The following ADAMTS17 variants were observed in gnomAD, a reference collection of about 807,000 sequenced individuals.
ADAMTS17 encodes the protein A disintegrin and metalloproteinase with thrombospondin motifs 17.
ADAMTS17 carries 113 observed loss-of-function variants against 141.5 expected under a neutral mutation model. That is an observed-to-expected ratio of 0.80 (90% CI 0.69 to 0.93). The LOEUF is 0.93. Among genes scored for constraint, ADAMTS17 ranks in the 40% least tolerant of loss-of-function variants. ADAMTS17 has a pLI of 0.00. For synonymous variants in ADAMTS17, 768 were observed against 630.6 expected, an observed-to-expected ratio of 1.22 and a Z score of -3.27; for missense variants, 1,659 against 1,517.9, an observed-to-expected ratio of 1.09 and a Z score of -1.54.
At chr15:100,284,014 A>T (rs2044368620) in intron 3 of ADAMTS17, among the ~76,000 whole-genome samples, 1 of 152,192 alleles carries the variant, frequency 6.6e-6, no homozygotes. Context: ...GCGAGGCAGG[A>T]TAATTGCTTG....
At position 100,211,531 on chromosome 15, in the gene ADAMTS17, G is replaced by A. The variant is rs562187585; in HGVS notation, c.1076-12108C>T. 1.6e-4 allele frequency among the ~76,000 whole-genome samples: 24 copies of A among 150,234 alleles called. 1 individual carries two copies. Among genetic ancestry groups the A allele is most frequent in the Middle Eastern group, 6.8e-3 (2 of 294 alleles). On this transcript the variant is annotated intron_variant, in intron 7 of 21. Transcript: ENST00000268070. ...GGAAACAACTTCGAATCTGTCAGAG[G>A]AAAATGTAGTGGAGGTCTTTATGTT...
At chr15:100,014,298 A>C (rs894119477) in intron 18 of ADAMTS17, among the ~76,000 whole-genome samples, 1 of 152,102 alleles carries the variant, frequency 6.6e-6, no homozygotes, top group African/African-American at 2.4e-5. Context: ...ACTCTTGCTA[A>C]AGGTCTACCA....
chr15:100,059,255 C>A (rs890610030), intron 15 of ADAMTS17, among the ~76,000 whole-genome samples: 1 of 152,246 alleles, frequency 6.6e-6, no homozygotes, highest in Non-Finnish European at 1.5e-5. Flanking sequence ...AAAGAATACA[C>A]TTGGCATGCC....
In ADAMTS17 at chr15:100,102,361, C is replaced by T. The variant is rs571496062; in HGVS notation, c.2017-5885G>A. On this transcript the variant is annotated intron_variant, in intron 14 of 21. Transcript: ENST00000268070. ...CCGAAGGGGATCTACATTTGAGGGC[C>T]AACCGAAGGGGATCTACATTTGAGG... 7.8e-5 allele frequency among the ~76,000 whole-genome samples: 10 copies of T among 128,808 alleles called. No individual in the cohort carries two copies. The East Asian group carries it at 1.5e-3, about 20-fold the overall frequency. 84.5% of individuals were successfully genotyped at this position (128,808 alleles called of 152,430 possible).
chr15:100,222,577 C>T (rs1406722396), intron 7 of ADAMTS17, among the ~76,000 whole-genome samples: 1 of 152,192 alleles, frequency 6.6e-6, no homozygotes, highest in African/African-American at 2.4e-5. Flanking sequence ...GGGCCAGGTC[C>T]TCTGGCCCAG....
At chr15:99,985,133 C>T (rs183503990) in intron 20 of ADAMTS17, among the ~76,000 whole-genome samples, 9 of 152,398 alleles carry the variant, frequency 5.9e-5, no homozygotes, top group East Asian at 5.8e-4. Context: ...GATGGCCCAG[C>T]GGCGGGCTCT....
chr15:100,225,442 T>G (rs1289915372), intron 7 of ADAMTS17, among the ~76,000 whole-genome samples: 1 of 152,232 alleles, frequency 6.6e-6, no homozygotes, highest in Non-Finnish European at 1.5e-5. Context: ...CCTTAAGCAG[T>G]CACGGCCTCT....
rs192095488 is a variant in ADAMTS17 at position 99,992,135 on chromosome 15, C to A, written c.2949+913G>T. On this transcript the variant is annotated intron_variant, in intron 20 of 21. Coordinates refer to ENST00000268070, the MANE Select transcript of ADAMTS17 (RefSeq NM_139057.4). ...AGCAAACCACCATGACACATGTATA[C>A]CTGTGTAACAAACCTGCACTTTCTG... 2.7e-4 allele frequency among the ~76,000 whole-genome samples: 41 copies of A among 152,140 alleles called. No individual in the cohort carries two copies. The East Asian group carries it at 6.9e-3, about 26-fold the overall frequency.
intron 8 of ADAMTS17, among the ~76,000 whole-genome samples, chr15:100,194,953 C>T (rs1045267302): frequency 6.6e-6 from 1 of 152,180 alleles, no homozygotes; most frequent in Non-Finnish European, 1.5e-5. Context: ...AAAAGGAGAC[C>T]CCGGCTAAAA....
chr15:100,152,153 T>C (rs1214664734), intron 10 of ADAMTS17, among the ~76,000 whole-genome samples: 2 of 152,222 alleles, frequency 1.3e-5, no homozygotes, highest in Non-Finnish European at 2.9e-5. Flanking sequence ...TATTACTTGT[T>C]AAATTTTCCC....
rs1290621036 is a variant in ADAMTS17, at chr15:99,972,955, T to C, written c.*1447A>G. On this transcript the variant is annotated 3_prime_UTR_variant, in exon 22 of 22. Transcript: ENST00000268070. ...ATGGAAGTCCAAGTGAGACCTTCCG[T>C]CTGAAATCAGGGAGGAGGTGTTATT... The C allele has an allele frequency of 6.6e-6, 1 of 152,162 alleles. No homozygotes were observed. The highest frequency in any genetic ancestry group is 6.5e-5 in the Admixed American group (1 of 15,284). 9.4% of individuals were successfully genotyped at this position (152,162 alleles called of 1,614,324 possible).
intron 15 of ADAMTS17, among the ~76,000 whole-genome samples, chr15:100,054,405 T>C (rs922670): frequency 0.32 from 48,810 of 152,076 alleles, 9,144 homozygotes; most frequent in African/African-American, 0.51. Flanking sequence ...ACTAAACTTA[T>C]CCAGCAGATG....
intron 2 of ADAMTS17, among the ~76,000 whole-genome samples, chr15:100,332,871 C>T (rs868428815): frequency 1.2e-4 from 18 of 152,186 alleles, no homozygotes; most frequent in African/African-American, 4.1e-4. Context: ...GCCCCGACCT[C>T]GAACAGGGAT....
chr15:100,044,809 T>A (rs917831062), intron 18 of ADAMTS17, among the ~76,000 whole-genome samples: 10 of 73,776 alleles, frequency 1.4e-4, no homozygotes, highest in African/African-American at 6.3e-4. Context: ...TAATTTGGAT[T>A]TTTTTTTTTT....
At chr15:100,090,006 A>C (rs1424432859) in intron 15 of ADAMTS17, among the ~76,000 whole-genome samples, 3 of 148,980 alleles carry the variant, frequency 2.0e-5, no homozygotes, top group Non-Finnish European at 4.5e-5. Flanking sequence ...AAAAAAAAAA[A>C]CAAAATAAAA....
At chr15:100,152,475 TA>T in intron 10 of ADAMTS17, 136 bp downstream of exon 10, 2 of 1,155,672 alleles carry the variant, frequency 1.7e-6, no homozygotes, top group Non-Finnish European at 2.5e-6. Flanking sequence ...TGTGTGCATA[TA>T]CATGTATACC....
At chr15:100,171,151 G>A (rs2040145161) in intron 8 of ADAMTS17, among the ~76,000 whole-genome samples, 1 of 152,110 alleles carries the variant, frequency 6.6e-6, no homozygotes, top group South Asian at 2.1e-4. Context: ...TGCAGGAGGG[G>A]CTGCAGTTGA....
intron 12 of ADAMTS17, chr15:100,126,518 G>A (rs778758747): frequency 6.6e-6 from 1 of 152,238 alleles, no homozygotes; most frequent in East Asian, 1.9e-4. Flanking sequence ...TGCTGGAGAA[G>A]GGCAGGCACA....
At chr15:100,206,372 C>G (rs74037556) in intron 7 of ADAMTS17, among the ~76,000 whole-genome samples, 5,441 of 152,292 alleles carry the variant, frequency 0.036, 336 homozygotes, top group African/African-American at 0.12. Context: ...GACACCCCTC[C>G]CCTTACTGGC....
Sources: allele counts gnomAD v4.1 joint callset (sites outside exome capture counted in the v4.1 genomes callset), GRCh38; gene constraint gnomAD v4.1.1; transcripts MANE v1.5; gene names NCBI Gene and HGNC (gene_info 2026-07-23, HGNC 2026-07-21).